Variants in PALD1 observed in about 807,000 individuals in gnomAD.
PALD1 encodes the protein paladin.
A neutral mutation model predicts 96.0 loss-of-function variants in PALD1; 57 were observed. The observed-to-expected ratio is 0.59, with a 90% CI of 0.48 to 0.74. The LOEUF (loss-of-function observed/expected upper bound fraction) is 0.74, where lower values mean the gene tolerates loss of function less well. Among genes scored for constraint, PALD1 ranks in the 30% least tolerant of loss-of-function variants. PALD1 has a pLI of 0.00. For missense variants in PALD1, 1,063 were observed against 1,143.7 expected, an observed-to-expected ratio of 0.93 and a Z score of 1.02; for synonymous variants, 464 against 473.6, an observed-to-expected ratio of 0.98 and a Z score of 0.26.
intron 5 of PALD1, among the ~76,000 whole-genome samples, chr10:70,532,248 G>A (rs979887477): frequency 1.3e-5 from 2 of 152,122 alleles, no homozygotes; most frequent in Admixed American, 6.5e-5. Context: ...AAACTTCCAG[G>A]TCAGGAACCG....
In PALD1 at chr10:70,539,171, A is replaced by G. The variant is rs1387356497; in HGVS notation, c.1649A>G (p.Glu550Gly). Residue 550 changes from glutamate to glycine, a missense_variant, in exon 14 of 20, where the codon GAG (glutamate) becomes GGG (glycine). Transcript: ENST00000263563. The surrounding 1 kb of genome is among the most constrained non-coding windows in gnomAD (Gnocchi z 4.5). ...GTTGTCTGGGTGAGCCTTCGGGAGG[A>G]GGCCGTGTTGGAGTGTGACGGGCAC... Reference protein sequence around the residue: ...RKVVWVSLREEAVLECDGHTY... With the variant: ...RKVVWVSLREGAVLECDGHTY... 9.3e-6 allele frequency: 15 copies of G among 1,613,242 alleles called. No individual in the cohort carries two copies. Among genetic ancestry groups the G allele is most frequent in the Non-Finnish European group, 1.3e-5 (15 of 1,179,744 alleles).
At chr10:70,462,954 C>G in the PALD1 span, among the ~76,000 whole-genome samples, 5 of 152,224 alleles carry the variant, frequency 3.3e-5, no homozygotes, top group Non-Finnish European at 1.5e-5. Flanking sequence ...GGGCATTCCC[C>G]CAGGCCTGGG....
chr10:70,543,847 T>C (rs1847306979), intron 17 of PALD1, among the ~76,000 whole-genome samples: 1 of 152,172 alleles, frequency 6.6e-6, no homozygotes, highest in African/African-American at 2.4e-5. Flanking sequence ...TAGGTGCTTT[T>C]ACTGCTCCCA....
intron 1 of PALD1, 90 bp from the exon 2 acceptor site, chr10:70,525,833 C>T (rs758001010): frequency 9.9e-6 from 10 of 1,007,032 alleles, no homozygotes; most frequent in Non-Finnish European, 1.5e-5. Context: ...AGCTGCCTTT[C>T]TCTGTATGGT....
chr10:70,502,429 C>T (rs540825453), intron 1 of PALD1, among the ~76,000 whole-genome samples: 25 of 149,250 alleles, frequency 1.7e-4, no homozygotes, highest in African/African-American at 6.2e-4. Context: ...CAGAACTGTA[C>T]TGGATACCTT....
intron 1 of PALD1, among the ~76,000 whole-genome samples, chr10:70,500,659 G>A (rs568498495): frequency 2.0e-5 from 3 of 152,226 alleles, no homozygotes; most frequent in Admixed American, 2.0e-4. Flanking sequence ...TGTGCAGCTC[G>A]GTATAATGGG....
At chr10:70,481,325 C>A (rs7915565) in intron 1 of PALD1, among the ~76,000 whole-genome samples, 4 of 152,050 alleles carry the variant, frequency 2.6e-5, no homozygotes, top group African/African-American at 9.7e-5. Flanking sequence ...CACTGTTTCC[C>A]TGCGTGGCAC....
At chr10:70,510,117 G>A (rs1393491515) in intron 1 of PALD1, among the ~76,000 whole-genome samples, 2 of 152,122 alleles carry the variant, frequency 1.3e-5, no homozygotes, top group African/African-American at 4.8e-5. Context: ...TGAGATGAGG[G>A]TGCCTAAGGG....
intron 17 of PALD1, among the ~76,000 whole-genome samples, chr10:70,542,462 CCT>C (rs1454705996): frequency 2.6e-5 from 4 of 152,168 alleles, no homozygotes; most frequent in Non-Finnish European, 4.4e-5. Flanking sequence ...CCCAGCAGCC[CCT>C]GTTCTACTTT....
At chr10:70,503,259 A>G (rs964224547) in intron 1 of PALD1, among the ~76,000 whole-genome samples, 3 of 151,916 alleles carry the variant, frequency 2.0e-5, no homozygotes, top group Non-Finnish European at 4.4e-5. Flanking sequence ...TTCTCTTTCT[A>G]TTTTGCTTGT....
intron 1 of PALD1, 146 bp from the exon 2 acceptor site, chr10:70,525,777 C>A: frequency 1.6e-6 from 1 of 644,982 alleles, no homozygotes. Context: ...CTTCTGGGCC[C>A]CACGGTGTAG....
chr10:70,464,208 C>T, the PALD1 span, among the ~76,000 whole-genome samples: 1 of 107,378 alleles, frequency 9.3e-6, no homozygotes. Context: ...TTGTTTGTAT[C>T]TGGCTTTTTT....
intron 19 of PALD1, among the ~76,000 whole-genome samples, chr10:70,565,430 C>T (rs571333346): frequency 1.3e-5 from 2 of 152,324 alleles, no homozygotes; most frequent in East Asian, 1.9e-4. Context: ...GAAGCTGGCC[C>T]CTCCAGACCT....
intron 18 of PALD1, among the ~76,000 whole-genome samples, chr10:70,559,188 AG>A (rs1229521552): frequency 6.6e-6 from 1 of 152,148 alleles, no homozygotes; most frequent in Non-Finnish European, 1.5e-5. Context: ...GTGGTTAGGC[AG>A]GGACTCCATG....
the PALD1 span, among the ~76,000 whole-genome samples, chr10:70,469,256 C>G: frequency 6.6e-6 from 1 of 152,166 alleles, no homozygotes; most frequent in Non-Finnish European, 1.5e-5. Flanking sequence ...CTTAAACCCT[C>G]CGAGGGGGCT....
intron 1 of PALD1, among the ~76,000 whole-genome samples, chr10:70,505,170 C>A (rs1008061820): frequency 6.6e-6 from 1 of 152,242 alleles, no homozygotes; most frequent in African/African-American, 2.4e-5. Flanking sequence ...TTTGAACTCA[C>A]AGTGGGTGAC....
In PALD1 at chr10:70,531,302, T is replaced by A. The variant is rs80291828; in HGVS notation, c.481T>A (p.Phe161Ile). The A allele has an allele frequency of 6.2e-7, 1 of 1,612,708 alleles. No homozygotes were observed. Among genetic ancestry groups the A allele is most frequent in the African/African-American group, 1.3e-5 (1 of 75,004 alleles). ...QKDGHRECVI[F>I]CVREEPVLFL... The stretch of plus-strand genomic sequence containing the variant: ...GGGCTCCTGGCAGGAGTGTGTCATC[T>A]TCTGTGTGCGGGAGGAACCTGTGCT... The change falls in exon 5 of 20, where the codon TTC becomes ATC. Residue 161 changes from phenylalanine to isoleucine, a missense_variant. Phe to Ile is a conservative substitution (Grantham distance 21). Coordinates refer to ENST00000263563, the MANE Select transcript of PALD1 (RefSeq NM_014431.3).
At chr10:70,555,784 T>G (rs10999392) in intron 18 of PALD1, among the ~76,000 whole-genome samples, 88,852 of 151,942 alleles carry the variant, frequency 0.58, 26,792 homozygotes, top group Middle Eastern at 0.78. Flanking sequence ...GGCGGATCAC[T>G]AGGTCAGGAG....
intron 18 of PALD1, among the ~76,000 whole-genome samples, chr10:70,554,032 G>A (rs12415166): frequency 0.18 from 26,670 of 152,254 alleles, 2,717 homozygotes; most frequent in Admixed American, 0.29. Flanking sequence ...TCACGGGGCT[G>A]CAGCCCACGG....
Sources: gnomAD v4.1 joint callset for allele counts (sites outside exome capture counted in the v4.1 genomes callset) on GRCh38, gnomAD v4.1.1 for gene constraint, Gnocchi (gnomAD v3.1) non-coding constraint, MANE v1.5 for transcripts, NCBI Gene and HGNC (gene_info 2026-07-23, HGNC 2026-07-21) for gene names.